The following SAMD4B variants were observed in gnomAD, a reference collection of about 807,000 sequenced individuals.
The protein encoded by SAMD4B is protein Smaug homolog 2.
SAMD4B carries 5 observed loss-of-function variants against 74.5 expected under a neutral mutation model. The ratio of observed to expected loss-of-function variants is 0.07; its 90% CI spans 0.04 to 0.14. The LOEUF is 0.14. SAMD4B is among the 10% of genes least tolerant of loss of function. The pLI, the probability that SAMD4B is intolerant of heterozygous loss-of-function variation, is 1.00. For missense variants in SAMD4B, 608 were observed against 921.8 expected (o/e 0.66, Z 4.41); for synonymous variants, 373 against 374.9 (o/e 1.00, Z 0.06).
chr19:39,358,883 CCCAGGCCCA>C (rs1459198803), intron 3 of SAMD4B, among the ~76,000 whole-genome samples: 2 of 152,216 alleles, frequency 1.3e-5, no homozygotes, highest in African/African-American at 4.8e-5. Context: ...CCCTCATCTC[CCCAGGCCCA>C]CCTGCCTTAG....
rs755849651 is a variant in SAMD4B, at chr19:39,383,712, G to T, written c.*185G>T. 2.5e-5 allele frequency: 38 copies of T among 1,537,890 alleles called. No individual in the cohort carries two copies. Among genetic ancestry groups the T allele is most frequent in the Non-Finnish European group, 3.3e-5 (38 of 1,147,400 alleles). ...ACATGCCTTGCTCACTCCCAGGCCC[G>T]TCGAGGGATCTCTGCTGAGGCCCGG... On this transcript the variant is annotated 3_prime_UTR_variant, in exon 14 of 14. Coordinates refer to ENST00000610417, the MANE Select transcript of SAMD4B (RefSeq NM_001384574.2). This position sits in a 1 kb window ranked among gnomAD's most constrained non-coding sequence, Gnocchi z 4.1.
At chr19:39,380,211 C>T in intron 10 of SAMD4B, 127 bp downstream of exon 10, 1 of 719,404 alleles carries the variant, frequency 1.4e-6, no homozygotes, top group Non-Finnish European at 2.3e-6. Context: ...GGGCGACTTT[C>T]CCAGAAGAAA....
At chr19:39,388,737 C>G, downstream of SAMD4B, 1 of 1,606,936 alleles carries the variant, frequency 6.2e-7, no homozygotes. Flanking sequence ...AGGAGCAGGC[C>G]AAGGTGGACA....
chr19:39,370,475 G>C (rs539012680), intron 4 of SAMD4B, among the ~76,000 whole-genome samples: 1 of 152,300 alleles, frequency 6.6e-6, no homozygotes, highest in East Asian at 1.9e-4. Context: ...CCTAGTGGCA[G>C]CAATAATATA....
chr19:39,353,666 A>C (rs765898890), intron 1 of SAMD4B, among the ~76,000 whole-genome samples: 4 of 152,078 alleles, frequency 2.6e-5, no homozygotes, highest in Non-Finnish European at 4.4e-5. Flanking sequence ...CAGTGGCATA[A>C]TCTCGGCTCA....
At chr19:39,386,017 T>G, downstream of SAMD4B, 2 of 1,613,586 alleles carry the variant, frequency 1.2e-6, no homozygotes, top group Non-Finnish European at 1.7e-6. The surrounding 1 kb of genome is among the most constrained non-coding windows in gnomAD (Gnocchi z 6.1). Flanking sequence ...TCAGCTTCAC[T>G]GGAATCAGAA....
downstream of SAMD4B, chr19:39,389,036 TGAG>T: frequency 6.2e-7 from 1 of 1,613,734 alleles, no homozygotes; most frequent in South Asian, 1.1e-5. This position sits in a 1 kb window ranked among gnomAD's most constrained non-coding sequence, Gnocchi z 5.3. Flanking sequence ...AAAAACAAGG[TGAG>T]GAGGAGCTCT....
downstream of SAMD4B, chr19:39,390,323 G>T: frequency 6.3e-7 from 1 of 1,594,038 alleles, no homozygotes. Flanking sequence ...GATAGGTGGA[G>T]AGGACGGGAT....
chr19:39,360,900 G>T (rs2076608048), intron 3 of SAMD4B, among the ~76,000 whole-genome samples: 1 of 152,130 alleles, frequency 6.6e-6, no homozygotes, highest in Non-Finnish European at 1.5e-5. Flanking sequence ...CGAGTACCCA[G>T]GTTCTTCTGC....
intron 4 of SAMD4B, among the ~76,000 whole-genome samples, chr19:39,371,648 C>G (rs1233255806): frequency 1.3e-5 from 2 of 152,076 alleles, no homozygotes. Flanking sequence ...GAAACCTCAT[C>G]TCTACTAAAA....
At position 39,377,714 on chromosome 19, in the gene SAMD4B, A is replaced by T. The variant is rs2077689047; in HGVS notation, c.1334A>T (p.Glu445Val). The change falls in exon 8 of 14, where the codon GAG (glutamate) becomes GTG (valine). Residue 445 changes from glutamate to valine, a missense_variant. By Grantham distance (121) the Glu-to-Val change is moderately radical (BLOSUM62 -2). Coordinates refer to ENST00000610417, the MANE Select transcript of SAMD4B (RefSeq NM_001384574.2). Reference sequence around the variant, plus strand: ...GAGGCCAAGGACCCTCCAGCTGTGGAGAACTACCCACCTCCACCAGCTCCA... The same window carrying T: ...GAGGCCAAGGACCCTCCAGCTGTGGTGAACTACCCACCTCCACCAGCTCCA... ...GTEAKDPPAV[E>V]NYPPPPAPAP... 6.2e-7 allele frequency: 1 copy of T among 1,614,094 alleles called. No individual in the cohort carries two copies. Among genetic ancestry groups the T allele is most frequent in the South Asian group, 1.1e-5 (1 of 91,092 alleles).
At chr19:39,368,155 A>G (rs1429478193) in intron 3 of SAMD4B, among the ~76,000 whole-genome samples, 1 of 152,080 alleles carries the variant, frequency 6.6e-6, no homozygotes, top group Non-Finnish European at 1.5e-5. Context: ...TGGAGCTTGC[A>G]GTGAGCCAAG....
chr19:39,376,385 C>G (rs1210641008), intron 5 of SAMD4B, 52 bp from the exon 6 acceptor site: 6 of 1,475,056 alleles, frequency 4.1e-6, no homozygotes, highest in African/African-American at 2.8e-5. Flanking sequence ...TTCCTTTACC[C>G]TGGTAATCTG....
At chr19:39,365,241 G>GT (rs1249705287) in intron 3 of SAMD4B, among the ~76,000 whole-genome samples, 33 of 103,440 alleles carry the variant, frequency 3.2e-4, no homozygotes, top group Admixed American at 6.6e-4. Context: ...GCGAGACTCC[G>GT]TAAAAAAAAA....
intron 1 of SAMD4B, among the ~76,000 whole-genome samples, chr19:39,352,765 G>T (rs1056934263): frequency 6.6e-6 from 1 of 151,494 alleles, no homozygotes; most frequent in Non-Finnish European, 1.5e-5. Context: ...TGGGTGGAGG[G>T]GGGGAACAGT....
At chr19:39,347,455 G>A (rs1038276089) in intron 1 of SAMD4B, among the ~76,000 whole-genome samples, 25 of 152,302 alleles carry the variant, frequency 1.6e-4, no homozygotes, top group Non-Finnish European at 5.9e-5. Context: ...TCTGAGCAGT[G>A]ATGGCAATCT....
chr19:39,382,479 G>A (rs929431382), intron 12 of SAMD4B, among the ~76,000 whole-genome samples: 5 of 152,016 alleles, frequency 3.3e-5, no homozygotes, highest in African/African-American at 1.2e-4. Flanking sequence ...GATCTGATAC[G>A]ACATGAGCTC....
At chr19:39,387,908 C>A (rs1198022121), downstream of SAMD4B, among the ~76,000 whole-genome samples, 2 of 152,146 alleles carry the variant, frequency 1.3e-5, no homozygotes, top group Non-Finnish European at 2.9e-5. Flanking sequence ...GAGGCCGAGG[C>A]AGGCAGATCA....
downstream of SAMD4B, chr19:39,388,740 G>T: frequency 6.2e-7 from 1 of 1,608,968 alleles, no homozygotes; most frequent in South Asian, 1.1e-5. Flanking sequence ...AGCAGGCCAA[G>T]GTGGACAGCA....
Sources: allele counts gnomAD v4.1 joint callset (sites outside exome capture counted in the v4.1 genomes callset), GRCh38; gene constraint gnomAD v4.1.1; non-coding constraint Gnocchi (gnomAD v3.1); transcripts MANE v1.5; gene names NCBI Gene and HGNC (gene_info 2026-07-23, HGNC 2026-07-21).